Variants in SKOR1 observed in about 807,000 individuals in gnomAD.
The protein encoded by SKOR1 is SKI family transcriptional corepressor 1.
SKOR1 carries 38 observed loss-of-function variants against 72.4 expected under a neutral mutation model. The ratio of observed to expected loss-of-function variants is 0.52; its 90% CI spans 0.40 to 0.69. SKOR1 has a LOEUF of 0.69. Among genes scored for constraint, SKOR1 ranks in the 30% least tolerant of loss-of-function variants. SKOR1 has a pLI of 0.00. For synonymous variants in SKOR1, 642 were observed against 599.4 expected (o/e 1.07, Z -1.04); for missense variants, 1,320 against 1,343.2 (o/e 0.98, Z 0.27).
rs908008047 is a variant in SKOR1, at chr15:67,827,595, C to G, written c.1767C>G (p.Gly589=). Residue 589 remains glycine, a synonymous_variant, in exon 2 of 9, where the codon GGC becomes GGG. Coordinates refer to ENST00000380035, the MANE Select transcript of SKOR1 (RefSeq NM_001365915.1). ...CGCCCCCGCCGCCCGCACGCAAAGG[C>G]TCCTACGTGTCGGCCTTCCGGCCGG... ...PPPPPPPARK[G]SYVSAFRPVV... 6.5e-7 allele frequency: 1 copy of G among 1,528,260 alleles called. No individual in the cohort carries two copies. The highest frequency in any genetic ancestry group is 2.5e-5 in the East Asian group (1 of 40,346). The allele number at this position is 1,528,260 out of a possible 1,614,324, so 94.7% of individuals were successfully genotyped here. A position where few individuals can be genotyped will look rare whatever the true frequency, so the allele number is the denominator to read the frequency against.
Position 67,828,343 on chromosome 15 carries a change from G to A in SKOR1, c.2316+199G>A, listed in dbSNP as rs552536268. ...CACCCTCCAGTGAGGGTTTCGAAGGGAAGGGAAGCTGGGGGCGGCGGGAGG... is the reference window on the plus strand; with the variant it reads ...CACCCTCCAGTGAGGGTTTCGAAGGAAAGGGAAGCTGGGGGCGGCGGGAGG... On this transcript the variant is annotated intron_variant, in intron 2 of 8. Transcript: ENST00000380035. 7.9e-5 allele frequency among the ~76,000 whole-genome samples: 12 copies of A among 152,376 alleles called. No individual in the cohort carries two copies. The South Asian group carries it at 2.5e-3, about 32-fold the overall frequency.
In SKOR1 at chr15:67,826,991, T is replaced by A; in HGVS notation, c.1163T>A (p.Leu388Gln). The A allele has an allele frequency of 6.3e-7, 1 of 1,596,172 alleles. No homozygotes were observed. Among genetic ancestry groups the A allele is most frequent in the Non-Finnish European group, 8.5e-7 (1 of 1,178,776 alleles). The change falls in exon 2 of 9, where the codon CTG (leucine) becomes CAG (glutamine). Residue 388 changes from leucine (L) to glutamine (Q), a missense_variant. Leu to Gln is a moderately radical substitution (Grantham distance 113). Around this residue, in one of 3 missense-constraint regions of SKOR1, gnomAD observed 1,099 missense variants for 1,025.5 expected, o/e 1.07. Coordinates refer to ENST00000380035, the MANE Select transcript of SKOR1 (RefSeq NM_001365915.1). ...PSKGFGLLQKLPPPLFPHPYG... is the reference protein window; with the variant it reads ...PSKGFGLLQKQPPPLFPHPYG... ...AAAGGCTTTGGGCTCCTGCAAAAGC[T>A]GCCCCCACCACTTTTCCCCCATCCT...
Position 67,826,928 on chromosome 15 carries a change from C to T in SKOR1, c.1100C>T (p.Ala367Val). 1 of 1,572,168 alleles carries T rather than the reference C, an allele frequency of 6.4e-7. No individual in the cohort carries two copies. The highest frequency in any genetic ancestry group is 8.6e-7 in the Non-Finnish European group (1 of 1,167,232). ...PAGPGGPGGG[A>V]GVRSYPVIPV... ...GGCCCAGGAGGGCCCGGTGGCGGCGCCGGCGTACGAAGCTACCCGGTGATC... is the reference window on the plus strand; with the variant it reads ...GGCCCAGGAGGGCCCGGTGGCGGCGTCGGCGTACGAAGCTACCCGGTGATC... Residue 367 changes from alanine to valine, a missense_variant, in exon 2 of 9, where the codon GCC becomes GTC. By Grantham distance (64) the Ala-to-Val change is moderately conservative. Coordinates refer to ENST00000380035, the MANE Select transcript of SKOR1 (RefSeq NM_001365915.1).
At position 67,832,533 on chromosome 15, in the gene SKOR1, G is replaced by A; in HGVS notation, c.2663-74G>A. The A allele has an allele frequency of 2.1e-6, 3 of 1,439,104 alleles. No individual in the cohort carries two copies. Among genetic ancestry groups the A allele is most frequent in the Admixed American group, 1.7e-5 (1 of 58,582 alleles). 89.1% of individuals were successfully genotyped at this position (1,439,104 alleles called of 1,614,324 possible). On this transcript the variant is annotated intron_variant, in intron 6 of 8. Transcript: ENST00000380035. This position sits in a 1 kb window ranked among gnomAD's most constrained non-coding sequence, Gnocchi z 4.5. ...GGAGTTGGGGGTAGGGGTGAAAGGG[G>A]GGGCCAGGAGTGAGAAAGTGGAGCC... is the stretch of plus-strand genomic sequence containing the variant.
chr15:67,831,452 C>A (rs1273112882), intron 5 of SKOR1, among the ~76,000 whole-genome samples: 1 of 152,150 alleles, frequency 6.6e-6, no homozygotes, highest in Non-Finnish European at 1.5e-5. Context: ...GCTTGGGGTG[C>A]AGAGTAGGGG....
Position 67,827,369 on chromosome 15 carries a change from C to G in SKOR1, c.1541C>G (p.Ala514Gly). 1 of 1,567,558 alleles carries G rather than the reference C, an allele frequency of 6.4e-7. No homozygotes were observed. The highest frequency in any genetic ancestry group is 8.6e-7 in the Non-Finnish European group (1 of 1,166,648). Residue 514 changes from alanine to glycine, a missense_variant, in exon 2 of 9, where the codon GCG (alanine) becomes GGG (glycine). This residue lies in a region of SKOR1 where 1,099 missense variants were observed against 1,025.5 expected (regional missense o/e 1.07). Coordinates refer to ENST00000380035, the MANE Select transcript of SKOR1 (RefSeq NM_001365915.1). ...PAAQSQAKAV[A>G]AAVAAAAAAA... The stretch of plus-strand genomic sequence containing the variant: ...GCTCAGAGCCAAGCCAAGGCCGTGG[C>G]GGCAGCCGTGGCGGCGGCAGCGGCG...
intron 4 of SKOR1, 55 bp from the exon 5 acceptor site, chr15:67,830,761 TCC>T: frequency 6.4e-7 from 1 of 1,566,838 alleles, no homozygotes; most frequent in South Asian, 1.1e-5. Context: ...AGCTCACCCC[TCC>T]CCTCTCAAGG....
rs199971924 is a variant in SKOR1, at chr15:67,826,673, T to G, written c.845T>G (p.Leu282Arg). ...GGCACGCGCAAGCGGACCTTCTCCC[T>G]ACAAGGAGGCGGCGGAGGCGGTGCC... ...NGGTRKRTFSLQGGGGGGANG... is the reference protein window; with the variant it reads ...NGGTRKRTFSRQGGGGGGANG... Residue 282 changes from leucine to arginine, a missense_variant, in exon 2 of 9, where the codon CTA becomes CGA. By Grantham distance (102) the Leu-to-Arg change is moderately radical. Around this residue, in one of 3 missense-constraint regions of SKOR1, gnomAD observed 1,099 missense variants for 1,025.5 expected, o/e 1.07. Coordinates refer to ENST00000380035, the MANE Select transcript of SKOR1 (RefSeq NM_001365915.1). 2.0e-3 allele frequency: 3,128 copies of G among 1,593,082 alleles called. 2 individuals carry two copies. The highest frequency in any genetic ancestry group is 2.4e-3 in the Non-Finnish European group (2,848 of 1,169,940).
Position 67,832,661 on chromosome 15 carries a change from A to G in SKOR1, c.2717A>G (p.Gln906Arg). ...RELAYREEMV[Q>R]QLQIVRDTLC... ...TTGGCTTATCGAGAAGAAATGGTGC[A>G]ACAGCTGCAAATTGTCAGAGGTAAG... The change falls in exon 7 of 9, where the codon CAA (glutamine) becomes CGA (arginine). Residue 906 changes from glutamine (Q) to arginine (R), a missense_variant. Coordinates refer to ENST00000380035, the MANE Select transcript of SKOR1 (RefSeq NM_001365915.1). This position sits in a 1 kb window ranked among gnomAD's most constrained non-coding sequence, Gnocchi z 4.5. 1.2e-6 allele frequency: 2 copies of G among 1,614,138 alleles called. No individual in the cohort carries two copies. The highest frequency in any genetic ancestry group is 1.7e-6 in the Non-Finnish European group (2 of 1,180,006).
intron 2 of SKOR1, among the ~76,000 whole-genome samples, 158 bp downstream of exon 2, chr15:67,828,302 A>G (rs1250614957): frequency 6.6e-6 from 1 of 152,174 alleles, no homozygotes; most frequent in African/African-American, 2.4e-5. Context: ...GCGCGCTGCG[A>G]AACTGGGCCC....
Position 67,833,812 on chromosome 15 carries a change from C to T in SKOR1, c.2874C>T (p.Ser958=). Residue 958 remains serine, a synonymous_variant, in exon 9 of 9, where the codon TCC becomes TCT. Coordinates refer to ENST00000380035, the MANE Select transcript of SKOR1 (RefSeq NM_001365915.1). The surrounding 1 kb of genome is among the most constrained non-coding windows in gnomAD (Gnocchi z 6.0). ...CCCGCCACTGCACTGGCAACTGCTC[C>T]TTCAAGCCACCGCTGTTGCCCTAGG... The part of the protein sequence containing the change: ...LTPRHCTGNC[S]FKPPLLP 1 of 1,611,968 alleles carries T rather than the reference C, an allele frequency of 6.2e-7. No individual in the cohort carries two copies. Among genetic ancestry groups the T allele is most frequent in the Non-Finnish European group, 8.5e-7 (1 of 1,180,026 alleles).
intron 4 of SKOR1, 147 bp from the exon 5 acceptor site, chr15:67,830,671 A>G (rs2141368947): frequency 1.3e-6 from 1 of 766,268 alleles, no homozygotes; most frequent in Non-Finnish European, 2.3e-6. Context: ...TAGAAGGTGG[A>G]TAGTACTGGA....
In SKOR1 at chr15:67,827,021, G is replaced by A. The variant is rs151027563; in HGVS notation, c.1193G>A (p.Gly398Asp). Reference sequence around the variant, plus strand: ...CCACCACTTTTCCCCCATCCTTACGGCTTCCCTACGGCCTTCGGCCTATGC... The same window carrying A: ...CCACCACTTTTCCCCCATCCTTACGACTTCCCTACGGCCTTCGGCCTATGC... Reference protein sequence around the residue: ...LPPPLFPHPYGFPTAFGLCPK... With the variant: ...LPPPLFPHPYDFPTAFGLCPK... The change falls in exon 2 of 9, where the codon GGC becomes GAC. Residue 398 changes from glycine to aspartate, a missense_variant. Transcript: ENST00000380035. The A allele has an allele frequency of 8.3e-5, 132 of 1,592,352 alleles. No homozygotes were observed. The highest frequency in any genetic ancestry group is 1.1e-4 in the Non-Finnish European group (130 of 1,177,206).
Position 67,826,721 on chromosome 15 carries a change from G to A in SKOR1, c.893G>A (p.Gly298Glu), listed in dbSNP as rs778310188. ...GGANGGSGGQ[G>E]KGGAGGGGGG... ...GCCAATGGCGGGTCGGGTGGGCAGG[G>A]GAAGGGTGGTGCTGGCGGCGGTGGC... is the stretch of plus-strand genomic sequence containing the variant. Residue 298 changes from glycine to glutamate, a missense_variant, in exon 2 of 9, where the codon GGG becomes GAG. By Grantham distance (98) the Gly-to-Glu change is moderately conservative. Around this residue, in one of 3 missense-constraint regions of SKOR1, gnomAD observed 1,099 missense variants for 1,025.5 expected, o/e 1.07. Coordinates refer to ENST00000380035, the MANE Select transcript of SKOR1 (RefSeq NM_001365915.1). The A allele has an allele frequency of 6.5e-7, 1 of 1,544,806 alleles. No homozygotes were observed. The highest frequency in any genetic ancestry group is 1.2e-5 in the South Asian group (1 of 84,820).
At chr15:67,830,720 G>T in intron 4 of SKOR1, 98 bp from the exon 5 acceptor site, 1 of 1,120,322 alleles carries the variant, frequency 8.9e-7, no homozygotes, top group South Asian at 1.2e-5. Context: ...AAGGTCTAGG[G>T]TAGGTCCCTG....
Position 67,832,945 on chromosome 15 carries a change from A to C in SKOR1, c.2738-247A>C, listed in dbSNP as rs1180367552. 3 of 599,802 alleles carry C rather than the reference A, an allele frequency of 5.0e-6. No individual in the cohort carries two copies. The highest frequency in any genetic ancestry group is 8.8e-6 in the Non-Finnish European group (3 of 339,420). 37.2% of individuals were successfully genotyped at this position (599,802 alleles called of 1,614,324 possible). ...TCTAAATTAAAAATCGAGGCGTAAA[A>C]TTACCTGGGAAGTAATGCCTAAGTT... On this transcript the variant is annotated intron_variant, in intron 7 of 8. Coordinates refer to ENST00000380035, the MANE Select transcript of SKOR1 (RefSeq NM_001365915.1). This position sits in a 1 kb window ranked among gnomAD's most constrained non-coding sequence, Gnocchi z 4.5.
At chr15:67,831,469 T>TA (rs1228036350) in intron 5 of SKOR1, among the ~76,000 whole-genome samples, 5 of 152,136 alleles carry the variant, frequency 3.3e-5, no homozygotes, top group African/African-American at 1.2e-4. Context: ...GGGGAGTCCC[T>TA]AGCCCCACTT....
In SKOR1 at chr15:67,832,537, C is replaced by T. The variant is rs557856557; in HGVS notation, c.2663-70C>T. 35 of 1,450,794 alleles carry T rather than the reference C, an allele frequency of 2.4e-5. No individual in the cohort carries two copies. In the East Asian group the frequency reaches 8.0e-4, roughly 33 times the overall value. The allele number at this position is 1,450,794 out of a possible 1,614,324, so 89.9% of individuals were successfully genotyped here. A position where few individuals can be genotyped will look rare whatever the true frequency, so the allele number is the denominator to read the frequency against. ...TTGGGGGTAGGGGTGAAAGGGGGGGCCAGGAGTGAGAAAGTGGAGCCGGGA... is the reference window on the plus strand; with the variant it reads ...TTGGGGGTAGGGGTGAAAGGGGGGGTCAGGAGTGAGAAAGTGGAGCCGGGA... On this transcript the variant is annotated intron_variant, in intron 6 of 8. Coordinates refer to ENST00000380035, the MANE Select transcript of SKOR1 (RefSeq NM_001365915.1). This position sits in a 1 kb window ranked among gnomAD's most constrained non-coding sequence, Gnocchi z 4.5.
chr15:67,828,191 G>A (rs912570520), intron 2 of SKOR1, 47 bp downstream of exon 2: 2 of 1,388,498 alleles, frequency 1.4e-6, no homozygotes, highest in Non-Finnish European at 9.2e-7. Context: ...CACCTACCCT[G>A]TGCGCGGCAG....
Sources: gnomAD v4.1 joint callset for allele counts (sites outside exome capture counted in the v4.1 genomes callset) on GRCh38, gnomAD v4.1.1 for gene constraint, gnomAD v4.1.1 regional missense constraint, Gnocchi (gnomAD v3.1) non-coding constraint, MANE v1.5 for transcripts, NCBI Gene and HGNC (gene_info 2026-07-23, HGNC 2026-07-21) for gene names.